Variants in CACNG4 observed in about 807,000 individuals in gnomAD.
CACNG4 encodes the protein calcium voltage-gated channel auxiliary subunit gamma 4.
A neutral mutation model predicts 22.9 loss-of-function variants in CACNG4; 8 were observed. That is an observed-to-expected ratio of 0.35 (90% CI 0.21 to 0.63). CACNG4 has a LOEUF of 0.63. CACNG4 is among the 30% of genes least tolerant of loss of function. The probability of loss-of-function intolerance (pLI) is 0.72; values close to 1 mark genes in which losing one functional copy is unlikely to be tolerated. For synonymous variants in CACNG4, 188 were observed against 191.9 expected, an observed-to-expected ratio of 0.98 and a Z score of 0.17; for missense variants, 357 against 455.4, an observed-to-expected ratio of 0.78 and a Z score of 1.97.
chr17:67,023,727 A>G (rs1402081332), intron 2 of CACNG4, among the ~76,000 whole-genome samples: 1 of 151,528 alleles, frequency 6.6e-6, no homozygotes, highest in African/African-American at 2.4e-5. Context: ...GCCCACCACC[A>G]TGCCCGGCTA....
chr17:67,014,294 A>G (rs900013019), intron 1 of CACNG4, among the ~76,000 whole-genome samples: 2 of 152,214 alleles, frequency 1.3e-5, no homozygotes, highest in African/African-American at 4.8e-5. Context: ...TGCATCAGCT[A>G]TTCATTTTCT....
At chr17:67,009,730 C>T (rs141290998) in intron 1 of CACNG4, among the ~76,000 whole-genome samples, 2,395 of 152,254 alleles carry the variant, frequency 0.016, 34 homozygotes, top group Middle Eastern at 0.051. Context: ...GGTTTATAGA[C>T]GGTGCCTTCT....
chr17:66,976,190 CA>C (rs2035235115), intron 1 of CACNG4, among the ~76,000 whole-genome samples: 1 of 152,182 alleles, frequency 6.6e-6, no homozygotes, highest in Non-Finnish European at 1.5e-5. Flanking sequence ...GGATTGGAGT[CA>C]GGGGACCTGT....
intron 1 of CACNG4, among the ~76,000 whole-genome samples, chr17:67,014,943 CA>C (rs1163062678): frequency 3.9e-3 from 367 of 95,280 alleles, no homozygotes; most frequent in Middle Eastern, 0.011. Context: ...TCTCCAAAAA[CA>C]AAAAAAAAAA....
At chr17:66,998,553 G>A (rs2035388714) in intron 1 of CACNG4, among the ~76,000 whole-genome samples, 1 of 152,152 alleles carries the variant, frequency 6.6e-6, no homozygotes, top group African/African-American at 2.4e-5. Context: ...CTAGTTGAGG[G>A]CGCTGGCCTG....
chr17:67,028,219 C>G (rs528805539), intron 3 of CACNG4, among the ~76,000 whole-genome samples: 2 of 152,078 alleles, frequency 1.3e-5, no homozygotes, highest in African/African-American at 4.8e-5. Flanking sequence ...GGACAGAGGA[C>G]GTGGACGGTG....
At chr17:66,982,068 G>C (rs957071810) in intron 1 of CACNG4, among the ~76,000 whole-genome samples, 1 of 152,188 alleles carries the variant, frequency 6.6e-6, no homozygotes, top group Non-Finnish European at 1.5e-5. Flanking sequence ...ATGAAGCCAT[G>C]GACGTTTGCG....
At chr17:67,026,872 C>T (rs1445242080) in intron 3 of CACNG4, among the ~76,000 whole-genome samples, 2 of 151,344 alleles carry the variant, frequency 1.3e-5, no homozygotes, top group Non-Finnish European at 2.9e-5. Flanking sequence ...GGACAGGTCC[C>T]CCCGCCCTTC....
At chr17:67,022,649 A>G (rs559591113) in intron 2 of CACNG4, among the ~76,000 whole-genome samples, 1 of 152,236 alleles carries the variant, frequency 6.6e-6, no homozygotes, top group South Asian at 2.1e-4. Context: ...CAGCCCTGAA[A>G]CCCGCTCAGC....
At chr17:66,996,487 C>A (rs1321438089) in intron 1 of CACNG4, among the ~76,000 whole-genome samples, 1 of 151,160 alleles carries the variant, frequency 6.6e-6, no homozygotes, top group Non-Finnish European at 1.5e-5. Context: ...TCAACCAATT[C>A]TCCCACCTCG....
intron 1 of CACNG4, among the ~76,000 whole-genome samples, chr17:66,991,215 G>T (rs1280375914): frequency 6.6e-6 from 1 of 152,046 alleles, no homozygotes; most frequent in Non-Finnish European, 1.5e-5. Flanking sequence ...CTTGATCTCG[G>T]CAGGTCCTAC....
At chr17:66,977,364 G>A (rs957021118) in intron 1 of CACNG4, among the ~76,000 whole-genome samples, 4 of 152,068 alleles carry the variant, frequency 2.6e-5, no homozygotes, top group Non-Finnish European at 5.9e-5. Context: ...CAGGAGCTTC[G>A]TGCGCAGAAG....
chr17:67,015,052 T>C lies in CACNG4; in HGVS notation c.221-3137T>C, dbSNP rs749967335. Among the ~76,000 whole-genome samples the C allele has an allele frequency of 1.6e-4, 25 of 152,200 alleles. 1 individual carries two copies. In the South Asian group the frequency reaches 1.9e-3, roughly 11 times the overall value. ...GCTCTAGGGACAGAGAACAATCTCA[T>C]TCACTCTCCACGGGGCTGAAGACAG... On this transcript the variant is annotated intron_variant, in intron 1 of 3. Transcript: ENST00000262138.
rs57075852 is a variant in CACNG4, at chr17:67,018,817, T to C, written c.304+545T>C. Reference sequence around the variant, plus strand: ...AGGTGCCAGGGAGCAGCCTCTGATATATGGTCCTGAAGTCTTTTCAGCACC... The same window carrying C: ...AGGTGCCAGGGAGCAGCCTCTGATACATGGTCCTGAAGTCTTTTCAGCACC... On this transcript the variant is annotated intron_variant, in intron 2 of 3. Transcript: ENST00000262138. 5.7e-3 allele frequency among the ~76,000 whole-genome samples: 860 copies of C among 152,132 alleles called. 13 individuals are homozygous for C. The highest frequency in any genetic ancestry group is 0.02 in the African/African-American group (834 of 41,500).
At chr17:66,970,920 G>A (rs1482986673) in intron 1 of CACNG4, among the ~76,000 whole-genome samples, 1 of 152,154 alleles carries the variant, frequency 6.6e-6, no homozygotes, top group African/African-American at 2.4e-5. Flanking sequence ...AATCCCCTGT[G>A]TCAGTCTCCA....
intron 1 of CACNG4, among the ~76,000 whole-genome samples, chr17:66,990,532 CA>C (rs1219807421): frequency 1.4e-4 from 22 of 152,186 alleles, no homozygotes; most frequent in African/African-American, 5.1e-4. Context: ...GGCTTTGGTG[CA>C]AAGGGTGGTC....
chr17:67,005,543 C>G lies in CACNG4; in HGVS notation c.221-12646C>G, dbSNP rs79515371. Among the ~76,000 whole-genome samples the G allele has an allele frequency of 2.0e-3, 311 of 152,360 alleles. 2 individuals carry two copies. The highest frequency in any genetic ancestry group is 7.1e-3 in the African/African-American group (296 of 41,592). On this transcript the variant is annotated intron_variant, in intron 1 of 3. Transcript: ENST00000262138. ...CCACACGAGCTTTGATCTCCAGGTT[C>G]CAGGTTCACAGAGAGAATTTAGAGG...
intron 1 of CACNG4, among the ~76,000 whole-genome samples, chr17:66,997,123 C>G (rs1022985721): frequency 2.8e-4 from 42 of 152,106 alleles, no homozygotes; most frequent in African/African-American, 9.9e-4. Context: ...GTGCTGTGGT[C>G]AAAGTCCTAT....
At chr17:66,985,976 G>A (rs894837235) in intron 1 of CACNG4, among the ~76,000 whole-genome samples, 1 of 151,856 alleles carries the variant, frequency 6.6e-6, no homozygotes, top group Non-Finnish European at 1.5e-5. Context: ...GAAGAAGAAG[G>A]TTCCAGACAG....
Sources: allele counts gnomAD v4.1 joint callset (sites outside exome capture counted in the v4.1 genomes callset), GRCh38; gene constraint gnomAD v4.1.1; transcripts MANE v1.5; gene names NCBI Gene and HGNC (gene_info 2026-07-23, HGNC 2026-07-21).